The following MAML3 variants were observed in gnomAD, a reference collection of about 807,000 sequenced individuals.
MAML3 encodes mastermind like transcriptional coactivator 3, also known as mastermind-like protein 3.
Under a neutral mutation model 101.9 loss-of-function variants are expected in MAML3, and 27 were observed. The ratio of observed to expected loss-of-function variants is 0.27; its 90% CI spans 0.20 to 0.37. The LOEUF (loss-of-function observed/expected upper bound fraction) is 0.37, where lower values mean the gene tolerates loss of function less well. Among genes scored for constraint, MAML3 ranks in the 10% least tolerant of loss-of-function variants. The pLI, the probability that MAML3 is intolerant of heterozygous loss-of-function variation, is 1.00. For synonymous variants in MAML3, 501 were observed against 555.9 expected (o/e 0.90, Z 1.39); for missense variants, 1,316 against 1,444.9 (o/e 0.91, Z 1.45).
intron 2 of MAML3, 101 bp downstream of exon 2, chr4:139,889,256 A>G: frequency 6.2e-7 from 1 of 1,606,772 alleles, no homozygotes; most frequent in Non-Finnish European, 8.5e-7. Flanking sequence ...TTCTGCAGGC[A>G]ATTAGACCCC....
In MAML3 at chr4:139,890,630, A is replaced by G; in HGVS notation, c.806T>C (p.Leu269Ser). 1 of 1,613,948 alleles carries G rather than the reference A, an allele frequency of 6.2e-7. No individual in the cohort carries two copies. Among genetic ancestry groups the G allele is most frequent in the East Asian group, 2.2e-5 (1 of 44,888 alleles). ...CSDLEDSFTI[L>S]QSKDLKQEPL... Reference sequence around the variant, plus strand: ...TTCTTGTTTGAGGTCTTTGCTCTGCAAGATGGTGAAGCTATCCTCCAGGTC... The same window carrying G: ...TTCTTGTTTGAGGTCTTTGCTCTGCGAGATGGTGAAGCTATCCTCCAGGTC... The change falls in exon 2 of 5, where the codon TTG (leucine) becomes TCG (serine). Residue 269 changes from leucine to serine, a missense_variant. Coordinates refer to ENST00000509479, the MANE Select transcript of MAML3 (RefSeq NM_018717.5). The surrounding 1 kb of genome is among the most constrained non-coding windows in gnomAD (Gnocchi z 4.1).
Position 139,890,021 on chromosome 4 carries a change from G to T in MAML3, c.1415C>A (p.Ala472Asp), listed in dbSNP as rs1732438411. 1 of 1,609,070 alleles carries T rather than the reference G, an allele frequency of 6.2e-7. No homozygotes were observed. The highest frequency in any genetic ancestry group is 8.5e-7 in the Non-Finnish European group (1 of 1,177,426). Reference protein sequence around the residue: ...MSPAEQLKQMAAQQQQRAKLM... With the variant: ...MSPAEQLKQMDAQQQQRAKLM... ...TTTGGCCCTTTGTTGCTGCTGTGCA[G>T]CCATCTGTTTGAGCTGTTCTGCTGG... Residue 472 changes from alanine to aspartate, a missense_variant, in exon 2 of 5, where the codon GCT becomes GAT. Ala to Asp is a moderately radical substitution (Grantham distance 126). Coordinates refer to ENST00000509479, the MANE Select transcript of MAML3 (RefSeq NM_018717.5). This position sits in a 1 kb window ranked among gnomAD's most constrained non-coding sequence, Gnocchi z 4.1.
Position 139,719,844 on chromosome 4 carries a change from T to C in MAML3, c.2896A>G (p.Arg966Gly). 6.2e-7 allele frequency: 1 copy of C among 1,613,738 alleles called. No individual in the cohort carries two copies. Among genetic ancestry groups the C allele is most frequent in the Non-Finnish European group, 8.5e-7 (1 of 1,179,894 alleles). ...VQQGAQSWQQ[R>G]SLQGMPGRTS... ...CTCCCAGGCATGCCCTGCAAGCTCC[T>C]CTGTTGCCAGCTTTGTGCTCCTTGC... Residue 966 changes from arginine (R) to glycine (G), a missense_variant, in exon 5 of 5, where the codon AGG becomes GGG. Transcript: ENST00000509479.
chr4:140,150,761 C>CG (rs1459984039), intron 1 of MAML3, among the ~76,000 whole-genome samples: 3 of 150,698 alleles, frequency 2.0e-5, no homozygotes, highest in African/African-American at 7.3e-5. Flanking sequence ...GCTAGGGGGG[C>CG]GGGGGCTGGG....
chr4:140,015,738 G>A (rs997374711), intron 1 of MAML3, among the ~76,000 whole-genome samples: 1 of 152,196 alleles, frequency 6.6e-6, no homozygotes, highest in African/African-American at 2.4e-5. Context: ...TGGATCACTC[G>A]GGGTTAGGAG....
intron 2 of MAML3, among the ~76,000 whole-genome samples, chr4:139,863,097 C>T (rs1222931613): frequency 6.9e-6 from 1 of 145,816 alleles, no homozygotes; most frequent in Non-Finnish European, 1.5e-5. Flanking sequence ...ATGCAGCGAG[C>T]CAAGGTTGCG....
At chr4:139,987,823 C>T (rs1054982274) in intron 1 of MAML3, among the ~76,000 whole-genome samples, 18 of 151,824 alleles carry the variant, frequency 1.2e-4, no homozygotes, top group Middle Eastern at 3.2e-3. Context: ...AGTTCGAGAC[C>T]AGCCTAGCCA....
intron 1 of MAML3, among the ~76,000 whole-genome samples, chr4:140,032,074 A>C (rs966701656): frequency 1.3e-5 from 2 of 152,180 alleles, no homozygotes; most frequent in African/African-American, 4.8e-5. Flanking sequence ...TCTTAACTCT[A>C]CTTAGCCTTA....
intron 1 of MAML3, among the ~76,000 whole-genome samples, chr4:140,062,494 C>A (rs1727464103): frequency 6.6e-6 from 1 of 152,200 alleles, no homozygotes; most frequent in African/African-American, 2.4e-5. Flanking sequence ...GGTTTAACGA[C>A]CAGTGTCAGC....
intron 1 of MAML3, among the ~76,000 whole-genome samples, chr4:140,078,468 ATGT>A (rs934831669): frequency 6.6e-6 from 1 of 152,086 alleles, no homozygotes; most frequent in African/African-American, 2.4e-5. Context: ...GACACCAGCG[ATGT>A]TGTGGTAATC....
intron 2 of MAML3, among the ~76,000 whole-genome samples, chr4:139,861,202 T>C (rs576810001): frequency 6.6e-6 from 1 of 152,284 alleles, no homozygotes; most frequent in South Asian, 2.1e-4. Flanking sequence ...TCATACCTCC[T>C]GGATCACTTC....
chr4:139,876,402 T>C (rs1398059744), intron 2 of MAML3, among the ~76,000 whole-genome samples: 1 of 152,170 alleles, frequency 6.6e-6, no homozygotes, highest in African/African-American at 2.4e-5. Context: ...GGCAAGTGTG[T>C]TTCCAAGTCT....
intron 1 of MAML3, among the ~76,000 whole-genome samples, chr4:139,946,917 ACACACACACTCTCT>A (rs58935308): frequency 0.28 from 39,814 of 139,740 alleles, 5,415 homozygotes; most frequent in Non-Finnish European, 0.33. Context: ...ACACACACAC[ACACACACACTCTCT>A]CTCTCTCTCT....
At chr4:139,809,974 G>A (rs72730239) in intron 2 of MAML3, among the ~76,000 whole-genome samples, 9,050 of 152,016 alleles carry the variant, frequency 0.06, 410 homozygotes, top group Non-Finnish European at 0.083. Context: ...CCTCTCAAGG[G>A]ATCAAGAGAA....
intron 1 of MAML3, among the ~76,000 whole-genome samples, chr4:140,022,760 G>A (rs1726752489): frequency 6.6e-6 from 1 of 152,106 alleles, no homozygotes; most frequent in East Asian, 1.9e-4. Context: ...CACTAAATAA[G>A]CAGTTTAATC....
chr4:139,917,333 CAT>C (rs1214757562), intron 1 of MAML3, among the ~76,000 whole-genome samples: 1 of 152,186 alleles, frequency 6.6e-6, no homozygotes, highest in Non-Finnish European at 1.5e-5. Flanking sequence ...TCCAGGGAGA[CAT>C]AGTTATGCTC....
chr4:140,143,683 C>A (rs1267655866), intron 1 of MAML3, among the ~76,000 whole-genome samples: 2 of 152,148 alleles, frequency 1.3e-5, no homozygotes, highest in African/African-American at 4.8e-5. Flanking sequence ...ATCGCTTCAA[C>A]CCAGGAGGTG....
At chr4:139,979,390 A>G (rs1734403829) in intron 1 of MAML3, among the ~76,000 whole-genome samples, 1 of 152,068 alleles carries the variant, frequency 6.6e-6, no homozygotes, top group Non-Finnish European at 1.5e-5. Flanking sequence ...ACCCCTCCAT[A>G]GACACCACTG....
At chr4:140,101,274 G>T (rs953396304) in intron 1 of MAML3, among the ~76,000 whole-genome samples, 1 of 152,106 alleles carries the variant, frequency 6.6e-6, no homozygotes, top group African/African-American at 2.4e-5. Flanking sequence ...ATCCCTTTTG[G>T]CCCAGCGTCC....
Sources: gnomAD v4.1 joint callset for allele counts (sites outside exome capture counted in the v4.1 genomes callset) on GRCh38, gnomAD v4.1.1 for gene constraint, Gnocchi (gnomAD v3.1) non-coding constraint, MANE v1.5 for transcripts, NCBI Gene and HGNC (gene_info 2026-07-23, HGNC 2026-07-21) for gene names.